SMIM13: variants seen among roughly 807,000 people sequenced by gnomAD.
SMIM13 encodes the protein small integral membrane protein 13.
SMIM13 carries 3 observed loss-of-function variants against 5.9 expected under a neutral mutation model. The ratio of observed to expected loss-of-function variants is 0.51; its 90% CI spans 0.23 to 1.31. SMIM13 has a LOEUF of 1.31. Ranked by LOEUF, SMIM13 falls within the 40% of genes most tolerant of loss-of-function variation. SMIM13 has a pLI of 0.18. For missense variants in SMIM13, 85 were observed against 109.9 expected (o/e 0.77, Z 1.01); for synonymous variants, 55 against 46.0 (o/e 1.19, Z -0.79).
intron 1 of SMIM13, among the ~76,000 whole-genome samples, chr6:11,118,003 T>A (rs2113658181): frequency 6.6e-6 from 1 of 152,350 alleles, no homozygotes; most frequent in Non-Finnish European, 1.5e-5. Flanking sequence ...CCCAAAGTGC[T>A]GGGATTACAG....
intron 1 of SMIM13, among the ~76,000 whole-genome samples, chr6:11,129,777 A>G (rs1758428014): frequency 6.6e-6 from 1 of 152,034 alleles, no homozygotes; most frequent in East Asian, 1.9e-4. Flanking sequence ...CCTAGTTGTT[A>G]TTATTGTCAT....
intron 1 of SMIM13, among the ~76,000 whole-genome samples, chr6:11,108,184 AGAG>A (rs1258615269): frequency 1.3e-5 from 2 of 152,246 alleles, no homozygotes; most frequent in African/African-American, 2.4e-5. Context: ...GAGACAGCAC[AGAG>A]GAGGAGTAAA....
rs1758526183 is a variant in SMIM13, at chr6:11,137,111, T to G, written c.*2509T>G. Reference sequence around the variant, plus strand: ...AGGTATATATGTTGGCATTATTTATTGACATTTATGCTTCAAGCATGTCTT... The same window carrying G: ...AGGTATATATGTTGGCATTATTTATGGACATTTATGCTTCAAGCATGTCTT... On this transcript the variant is annotated 3_prime_UTR_variant, in exon 2 of 2. Coordinates refer to ENST00000416247, the MANE Select transcript of SMIM13 (RefSeq NM_001135575.2). 6.6e-6 allele frequency: 1 copy of G among 152,160 alleles called. No homozygotes were observed. Among genetic ancestry groups the G allele is most frequent in the African/African-American group, 2.4e-5 (1 of 41,442 alleles). The allele number at this position is 152,160 out of a possible 1,614,324, so 9.4% of individuals were successfully genotyped here.
intron 1 of SMIM13, among the ~76,000 whole-genome samples, chr6:11,108,817 G>T (rs1268603697): frequency 6.6e-6 from 1 of 152,198 alleles, no homozygotes; most frequent in Non-Finnish European, 1.5e-5. Flanking sequence ...TTAGGGAAAT[G>T]ATCCTTTATG....
At chr6:11,127,383 CT>C (rs1758390536) in intron 1 of SMIM13, among the ~76,000 whole-genome samples, 1 of 152,212 alleles carries the variant, frequency 6.6e-6, no homozygotes, top group Non-Finnish European at 1.5e-5. Context: ...GAACTGTTTC[CT>C]TGTGGCCACA....
At chr6:11,115,521 A>T (rs1266975960) in intron 1 of SMIM13, among the ~76,000 whole-genome samples, 1 of 152,184 alleles carries the variant, frequency 6.6e-6, no homozygotes, top group East Asian at 1.9e-4. Context: ...TAATTGAGTC[A>T]GGCCCACCCA....
chr6:11,123,580 TTTAG>T (rs761905359), intron 1 of SMIM13, among the ~76,000 whole-genome samples: 3 of 152,168 alleles, frequency 2.0e-5, no homozygotes, highest in East Asian at 1.9e-4. Context: ...GACAGAACAG[TTTAG>T]TTAAACTGAA....
chr6:11,099,255 A>G (rs1757962464), intron 1 of SMIM13, among the ~76,000 whole-genome samples: 2 of 151,706 alleles, frequency 1.3e-5, no homozygotes, highest in South Asian at 2.1e-4. Flanking sequence ...GCTCACTGCA[A>G]CCTCCACCTC....
At chr6:11,124,069 C>T (rs2113663359) in intron 1 of SMIM13, among the ~76,000 whole-genome samples, 1 of 152,014 alleles carries the variant, frequency 6.6e-6, no homozygotes, top group South Asian at 2.1e-4. Flanking sequence ...CTGTAATCAC[C>T]CTGATGTGCT....
rs553346972 is a variant in SMIM13 at position 11,094,195 on chromosome 6, T to G, written c.-119T>G. ...CTGCCGAGGGGGCGCCAGCCGCCCATGCCGCCCCGGCGCCCAGCCGCGCCT... is the reference window on the plus strand; with the variant it reads ...CTGCCGAGGGGGCGCCAGCCGCCCAGGCCGCCCCGGCGCCCAGCCGCGCCT... On this transcript the variant is annotated 5_prime_UTR_variant, in exon 1 of 2. The change abolishes an upstream ATG in the 5' untranslated region. Coordinates refer to ENST00000416247, the MANE Select transcript of SMIM13 (RefSeq NM_001135575.2). 2 of 291,630 alleles carry G rather than the reference T, an allele frequency of 6.9e-6. No homozygotes were observed. The highest frequency in any genetic ancestry group is 6.5e-5 in the Admixed American group (1 of 15,300). 18.1% of individuals were successfully genotyped at this position (291,630 alleles called of 1,614,324 possible).
intron 1 of SMIM13, among the ~76,000 whole-genome samples, chr6:11,134,036 C>A (rs1471848829): frequency 6.6e-6 from 1 of 151,552 alleles, no homozygotes; most frequent in Non-Finnish European, 1.5e-5. Flanking sequence ...TAAATAGCAC[C>A]GAGATATGAA....
At chr6:11,124,752 A>G (rs904268771) in intron 1 of SMIM13, among the ~76,000 whole-genome samples, 1 of 152,066 alleles carries the variant, frequency 6.6e-6, no homozygotes, top group Non-Finnish European at 1.5e-5. Flanking sequence ...TTCGTTTTGC[A>G]TTTCTCTGAT....
At chr6:11,095,324 G>A (rs956088330) in intron 1 of SMIM13, among the ~76,000 whole-genome samples, 2 of 152,186 alleles carry the variant, frequency 1.3e-5, no homozygotes, top group Non-Finnish European at 2.9e-5. Flanking sequence ...GCATGTGTAT[G>A]TATTTATAAA....
chr6:11,129,201 C>T (rs191661566), intron 1 of SMIM13, among the ~76,000 whole-genome samples: 19 of 152,176 alleles, frequency 1.2e-4, no homozygotes, highest in Admixed American at 3.9e-4. Context: ...CAACACTTCC[C>T]GGACTCCGAT....
rs547710539 is a variant in SMIM13, at chr6:11,138,309, T to C, written c.*3707T>C. The C allele has an allele frequency of 6.6e-6, 1 of 152,340 alleles. No homozygotes were observed. Among genetic ancestry groups the C allele is most frequent in the South Asian group, 2.1e-4 (1 of 4,826 alleles). 9.4% of individuals were successfully genotyped at this position (152,340 alleles called of 1,614,324 possible). On this transcript the variant is annotated 3_prime_UTR_variant, in exon 2 of 2. Transcript: ENST00000416247. ...TGTCTGCTTCTAAAGTGTCCTATAGTTTTTAACTTAAAGTGTAAAGAGTAA... is the reference window on the plus strand; with the variant it reads ...TGTCTGCTTCTAAAGTGTCCTATAGCTTTTAACTTAAAGTGTAAAGAGTAA...
chr6:11,131,876 A>T (rs994397719), intron 1 of SMIM13, among the ~76,000 whole-genome samples: 1 of 152,182 alleles, frequency 6.6e-6, no homozygotes, highest in Non-Finnish European at 1.5e-5. Flanking sequence ...GGTTTCCTAG[A>T]TATGCCATCC....
chr6:11,103,905 C>A, intron 1 of SMIM13: 11 of 1,551,708 alleles, frequency 7.1e-6, no homozygotes, highest in Non-Finnish European at 9.6e-6. Flanking sequence ...ATTTAACCAA[C>A]CCTGAGTGGC....
intron 1 of SMIM13, among the ~76,000 whole-genome samples, chr6:11,116,003 T>G (rs1758234230): frequency 1.5e-5 from 2 of 136,810 alleles, no homozygotes; most frequent in East Asian, 2.2e-4. Flanking sequence ...CCTTCCTTCC[T>G]TCCTCTTTTT....
chr6:11,107,642 A>G (rs529119041), intron 1 of SMIM13, among the ~76,000 whole-genome samples: 2 of 152,308 alleles, frequency 1.3e-5, no homozygotes, highest in Non-Finnish European at 1.5e-5. Context: ...AAGGTCTAAG[A>G]CTGGAAACCA....
Sources: allele counts gnomAD v4.1 joint callset (sites outside exome capture counted in the v4.1 genomes callset), GRCh38; gene constraint gnomAD v4.1.1; transcripts MANE v1.5; gene names NCBI Gene and HGNC (gene_info 2026-07-23, HGNC 2026-07-21).